Variants in LRRC4C observed in about 807,000 individuals in gnomAD.
LRRC4C encodes the protein leucine-rich repeat-containing protein 4C.
In LRRC4C, 5 loss-of-function variants were observed where a neutral mutation model predicts 33.6. The observed-to-expected ratio is 0.15, with a 90% confidence interval of 0.08 to 0.31. The LOEUF is 0.31. LRRC4C is among the 10% of genes least tolerant of loss of function. The pLI is 1.00. For missense variants in LRRC4C, 560 were observed against 796.7 expected, an observed-to-expected ratio of 0.70 and a Z score of 3.58; for synonymous variants, 329 against 302.0, an observed-to-expected ratio of 1.09 and a Z score of -0.93.
At chr11:40,941,270 A>G (rs1232434971) in intron 1 of LRRC4C, among the ~76,000 whole-genome samples, 1 of 152,198 alleles carries the variant, frequency 6.6e-6, no homozygotes, top group African/African-American at 2.4e-5. Context: ...CCAGTAATAA[A>G]TAGAAACATT....
intron 3 of LRRC4C, among the ~76,000 whole-genome samples, chr11:40,338,741 C>T (rs1050670518): frequency 1.3e-5 from 2 of 152,080 alleles, no homozygotes; most frequent in Admixed American, 6.6e-5. Flanking sequence ...CTTACTCCAA[C>T]GTTTCTGAAT....
chr11:40,304,186 G>A (rs1298293835), intron 4 of LRRC4C, among the ~76,000 whole-genome samples: 1 of 152,144 alleles, frequency 6.6e-6, no homozygotes, highest in East Asian at 1.9e-4. Flanking sequence ...TGGGGATATT[G>A]AGGGGCCTGG....
chr11:40,991,172 C>T (rs1012751904), intron 1 of LRRC4C, among the ~76,000 whole-genome samples: 2 of 141,126 alleles, frequency 1.4e-5, no homozygotes, highest in Admixed American at 7.2e-5. Context: ...GACTTGTATC[C>T]ACCACAGTGA....
At chr11:40,507,801 A>C (rs1248297419) in intron 3 of LRRC4C, among the ~76,000 whole-genome samples, 2 of 148,208 alleles carry the variant, frequency 1.3e-5, no homozygotes, top group East Asian at 4.0e-4. Flanking sequence ...GTGCAGTGGC[A>C]CCATCTCAGC....
intron 2 of LRRC4C, among the ~76,000 whole-genome samples, chr11:40,885,149 CT>C (rs1414768498): frequency 6.6e-6 from 1 of 152,048 alleles, no homozygotes; most frequent in Non-Finnish European, 1.5e-5. Context: ...TTTAGGCTTA[CT>C]TTTATATCAC....
At chr11:40,786,921 G>T (rs1950434977) in intron 2 of LRRC4C, among the ~76,000 whole-genome samples, 1 of 151,844 alleles carries the variant, frequency 6.6e-6, no homozygotes, top group South Asian at 2.1e-4. Context: ...CACTCACTAT[G>T]TAAAAGTAGG....
At chr11:41,029,337 C>T (rs1379049344) in intron 1 of LRRC4C, among the ~76,000 whole-genome samples, 1 of 151,742 alleles carries the variant, frequency 6.6e-6, no homozygotes, top group Non-Finnish European at 1.5e-5. Context: ...CAACACCTCT[C>T]TAGTTTTATG....
At chr11:40,512,975 C>T (rs192856153) in intron 3 of LRRC4C, among the ~76,000 whole-genome samples, 14 of 152,158 alleles carry the variant, frequency 9.2e-5, no homozygotes, top group Middle Eastern at 3.4e-3. Flanking sequence ...CAAGGCTGGG[C>T]GCGGTGGCTC....
chr11:41,355,236 C>T (rs1304894629), intron 1 of LRRC4C, among the ~76,000 whole-genome samples: 2 of 151,982 alleles, frequency 1.3e-5, no homozygotes, highest in African/African-American at 2.4e-5. Flanking sequence ...CATCCCTAAT[C>T]ATGAGAAAAA....
At chr11:41,443,882 C>T (rs1955735964) in intron 1 of LRRC4C, among the ~76,000 whole-genome samples, 1 of 151,640 alleles carries the variant, frequency 6.6e-6, no homozygotes, top group Admixed American at 6.6e-5. Flanking sequence ...CTCAGCCTCC[C>T]AAAGTACTGG....
chr11:40,904,453 G>T (rs535351811), intron 2 of LRRC4C, among the ~76,000 whole-genome samples: 112 of 152,134 alleles, frequency 7.4e-4, no homozygotes, highest in Admixed American at 1.6e-3. Flanking sequence ...ATTTTGTGTG[G>T]TTCCAACAGT....
At chr11:40,667,496 G>A (rs559004582) in intron 2 of LRRC4C, among the ~76,000 whole-genome samples, 9 of 152,254 alleles carry the variant, frequency 5.9e-5, no homozygotes, top group Admixed American at 2.6e-4. Flanking sequence ...TCTAGTCAAG[G>A]GAATATGGCA....
intron 3 of LRRC4C, among the ~76,000 whole-genome samples, chr11:40,619,013 T>G (rs1962163782): frequency 6.6e-6 from 1 of 151,730 alleles, no homozygotes; most frequent in Admixed American, 6.6e-5. Context: ...CTCTTTCCAA[T>G]TAAGACTTTA....
intron 2 of LRRC4C, among the ~76,000 whole-genome samples, chr11:40,695,434 C>G (rs1945449500): frequency 6.6e-6 from 1 of 152,040 alleles, no homozygotes; most frequent in South Asian, 2.1e-4. Context: ...TTTGTGAATT[C>G]TGGGGTAGGG....
Position 41,267,463 on chromosome 11 carries a change from T to C in LRRC4C, c.-496+191968A>G, listed in dbSNP as rs546695024. Among the ~76,000 whole-genome samples, 3 of 152,262 alleles carry C rather than the reference T, an allele frequency of 2.0e-5. No homozygotes were observed. The East Asian group carries it at 5.8e-4, about 29-fold the overall frequency. On this transcript the variant is annotated intron_variant, in intron 1 of 6. Coordinates refer to ENST00000528697, the MANE Select transcript of LRRC4C (RefSeq NM_001258419.2). The stretch of plus-strand genomic sequence containing the variant: ...CTAAGAAAGGGGAAACCCATCCACA[T>C]ATTTATTGCAGGACTGTTGCAGGTA...
chr11:40,832,841 A>G (rs1952480897), intron 2 of LRRC4C, among the ~76,000 whole-genome samples: 1 of 152,192 alleles, frequency 6.6e-6, no homozygotes, highest in African/African-American at 2.4e-5. Context: ...CACATTAAAA[A>G]AGTTATAATG....
intron 3 of LRRC4C, among the ~76,000 whole-genome samples, chr11:40,646,032 T>G (rs1445851810): frequency 5.4e-5 from 1 of 18,410 alleles, no homozygotes; most frequent in Admixed American, 6.3e-4. Flanking sequence ...TTCCTCAGTG[T>G]TTTTTTTTTT....
At chr11:41,435,511 A>C (rs927228139) in intron 1 of LRRC4C, among the ~76,000 whole-genome samples, 1 of 152,216 alleles carries the variant, frequency 6.6e-6, no homozygotes, top group Non-Finnish European at 1.5e-5. Flanking sequence ...AATGGTTAAC[A>C]TTTATTAAGT....
chr11:40,435,609 A>G lies in LRRC4C; in HGVS notation c.-269-115888T>C. Among the ~76,000 whole-genome samples, 2 of 152,142 alleles carry G rather than the reference A, an allele frequency of 1.3e-5. 1 individual carries two copies. The highest frequency in any genetic ancestry group is 3.9e-4 in the East Asian group (2 of 5,182). ...TCTACTTCAAATAAAACTGGAAGGG[A>G]TTAGGGAATTCTGAGTAGAGAAGGC... On this transcript the variant is annotated intron_variant, in intron 3 of 6. Transcript: ENST00000528697.
Sources: allele counts gnomAD v4.1 joint callset (sites outside exome capture counted in the v4.1 genomes callset), GRCh38; gene constraint gnomAD v4.1.1; transcripts MANE v1.5; gene names NCBI Gene and HGNC (gene_info 2026-07-23, HGNC 2026-07-21).